Variants in CNTRL observed in about 807,000 individuals in gnomAD.
CNTRL encodes 110 kDa centrosomal protein.
CNTRL carries 233 observed loss-of-function variants against 303.7 expected under a neutral mutation model. The ratio of observed to expected loss-of-function variants is 0.77; its 90% CI spans 0.69 to 0.86. The LOEUF is 0.86. Among genes scored for constraint, CNTRL ranks in the 40% least tolerant of loss-of-function variants. CNTRL has a pLI of 0.00. For synonymous variants in CNTRL, 900 were observed against 922.2 expected (o/e 0.98, Z 0.44); for missense variants, 2,524 against 2,650.6 (o/e 0.95, Z 1.05).
chr9:121,142,370 T>C, intron 19 of CNTRL, 100 bp downstream of exon 19: 3 of 1,018,616 alleles, frequency 2.9e-6, no homozygotes, highest in East Asian at 2.7e-5. Context: ...TGTAGTCACC[T>C]CTGGCTGCAT....
chr9:121,125,380 C>T (rs556276836), intron 13 of CNTRL, among the ~76,000 whole-genome samples: 10 of 152,010 alleles, frequency 6.6e-5, no homozygotes, highest in Non-Finnish European at 1.5e-4. Flanking sequence ...AGGATGGTCT[C>T]GATCTCCTGA....
intron 14 of CNTRL, among the ~76,000 whole-genome samples, chr9:121,127,696 C>G (rs1371576899): frequency 6.6e-6 from 1 of 151,712 alleles, no homozygotes; most frequent in Non-Finnish European, 1.5e-5. Flanking sequence ...AGGGTACATG[C>G]AGATTTGTTA....
intron 39 of CNTRL, among the ~76,000 whole-genome samples, chr9:121,170,773 G>GT (rs542032124): frequency 1.5e-3 from 225 of 152,304 alleles, no homozygotes; most frequent in African/African-American, 5.2e-3. Flanking sequence ...CACTGCTGTA[G>GT]TCAGTGCCTA....
chr9:121,150,691 G>T, intron 25 of CNTRL: 1 of 549,236 alleles, frequency 1.8e-6, no homozygotes, highest in Non-Finnish European at 3.2e-6. Context: ...CTACTCAGGA[G>T]ACTGAGACAA....
At chr9:121,103,534 C>T (rs1332882508) in intron 7 of CNTRL, among the ~76,000 whole-genome samples, 2 of 152,108 alleles carry the variant, frequency 1.3e-5, no homozygotes, top group Admixed American at 6.5e-5. Flanking sequence ...GCAACAAAAG[C>T]CAAAATTGAC....
chr9:121,114,566 G>C (rs1223445192), intron 10 of CNTRL, among the ~76,000 whole-genome samples: 2 of 152,136 alleles, frequency 1.3e-5, no homozygotes, highest in East Asian at 3.8e-4. Context: ...AAAGGGGCTG[G>C]CTCATAGTTT....
intron 35 of CNTRL, 123 bp from the exon 36 acceptor site, chr9:121,165,984 C>A (rs2053074287): frequency 1.4e-6 from 1 of 694,902 alleles, no homozygotes; most frequent in Non-Finnish European, 2.5e-6. Context: ...GATAGTGTGG[C>A]ATAGTCATAC....
At chr9:121,112,630 G>C (rs2049797914) in intron 9 of CNTRL, 52 bp downstream of exon 9, 1 of 1,577,544 alleles carries the variant, frequency 6.3e-7, no homozygotes, top group Non-Finnish European at 8.7e-7. Context: ...ACATGGGATG[G>C]AATGGGGGAG....
chr9:121,124,712 CAT>C, intron 13 of CNTRL, among the ~76,000 whole-genome samples: 1 of 146,296 alleles, frequency 6.8e-6, no homozygotes, highest in Middle Eastern at 3.6e-3. Context: ...CTGAGGCGGG[CAT>C]ATCATTTGAG....
chr9:121,141,630 A>C lies in CNTRL; in HGVS notation c.2691+42A>C, dbSNP rs761510606. 3.2e-6 allele frequency: 5 copies of C among 1,552,836 alleles called. No individual in the cohort carries two copies. In the African/African-American group the frequency reaches 6.8e-5, roughly 21 times the overall value. On this transcript the variant is annotated intron_variant, in intron 18 of 43. Coordinates refer to ENST00000373855, the MANE Select transcript of CNTRL (RefSeq NM_007018.6). ...AGGCACCTGGAGGGAAGTGTTTGGC[A>C]AATATTAATGTTTTTCAGCAAATTA...
chr9:121,176,124 CTT>C (rs1054574765), intron 43 of CNTRL, among the ~76,000 whole-genome samples: 2 of 152,310 alleles, frequency 1.3e-5, no homozygotes, highest in East Asian at 1.9e-4. Context: ...ACATACAAAA[CTT>C]TATATATATC....
At chr9:121,150,803 C>T (rs952703208) in intron 25 of CNTRL, 1 of 276,472 alleles carries the variant, frequency 3.6e-6, no homozygotes, top group African/African-American at 2.2e-5. Flanking sequence ...GGGTCTCAGG[C>T]CAGTCTACAA....
At chr9:121,131,615 G>C (rs942224309) in intron 14 of CNTRL, among the ~76,000 whole-genome samples, 1 of 152,186 alleles carries the variant, frequency 6.6e-6, no homozygotes, top group Non-Finnish European at 1.5e-5. Context: ...TTAATTGGGG[G>C]CATTTAGCCC....
intron 30 of CNTRL, among the ~76,000 whole-genome samples, 164 bp downstream of exon 30, chr9:121,158,273 AT>A (rs2052681154): frequency 6.6e-6 from 1 of 152,224 alleles, no homozygotes; most frequent in South Asian, 2.1e-4. Context: ...ATACTTCTGA[AT>A]AAAAAAAGTG....
At chr9:121,126,794 T>C (rs553149188) in intron 14 of CNTRL, among the ~76,000 whole-genome samples, 62 of 151,434 alleles carry the variant, frequency 4.1e-4, no homozygotes, top group Non-Finnish European at 7.8e-4. Context: ...ACTTTCTTTC[T>C]TCCTTCATGT....
At chr9:121,125,011 G>A (rs1256965829) in intron 13 of CNTRL, among the ~76,000 whole-genome samples, 1 of 151,414 alleles carries the variant, frequency 6.6e-6, no homozygotes, top group African/African-American at 2.4e-5. Context: ...ATCCAGTACT[G>A]TACATGGGAT....
At chr9:121,083,504 G>T (rs1183856847) in intron 2 of CNTRL, among the ~76,000 whole-genome samples, 1 of 152,068 alleles carries the variant, frequency 6.6e-6, no homozygotes, top group African/African-American at 2.4e-5. Flanking sequence ...GGTCTTCAAG[G>T]GCAATAACAT....
intron 1 of CNTRL, among the ~76,000 whole-genome samples, chr9:121,078,339 C>T (rs772404446): frequency 2.1e-4 from 31 of 150,052 alleles, no homozygotes; most frequent in East Asian, 5.9e-4. Context: ...ACCTGGGAGG[C>T]GGAGGTTATA....
In CNTRL at chr9:121,154,872, C is replaced by T. The variant is rs2052478745; in HGVS notation, c.4324C>T (p.Leu1442=). ...AGAGCTCAGGGAAGCTGACCGACTC[C>T]TGGCAGAGGCTGAGAGTGAACTTTC... ...RSELREADRL[L]AEAESELSCT... Residue 1442 remains leucine (L), a synonymous_variant, in exon 27 of 44, where the codon CTG becomes TTG. Coordinates refer to ENST00000373855, the MANE Select transcript of CNTRL (RefSeq NM_007018.6). The T allele has an allele frequency of 3.1e-6, 5 of 1,614,168 alleles. No homozygotes were observed. The highest frequency in any genetic ancestry group is 4.2e-6 in the Non-Finnish European group (5 of 1,180,010).
Sources: allele counts gnomAD v4.1 joint callset (sites outside exome capture counted in the v4.1 genomes callset), GRCh38; gene constraint gnomAD v4.1.1; transcripts MANE v1.5; gene names NCBI Gene and HGNC (gene_info 2026-07-23, HGNC 2026-07-21).